The following TBC1D1 variants were observed in gnomAD, a reference collection of about 807,000 sequenced individuals.
The protein encoded by TBC1D1 is TBC1 domain family member 1.
Under a neutral mutation model 125.6 loss-of-function variants are expected in TBC1D1, and 89 were observed. The ratio of observed to expected loss-of-function variants is 0.71; its 90% CI spans 0.60 to 0.85. The LOEUF is 0.85. Among genes scored for constraint, TBC1D1 ranks in the 40% least tolerant of loss-of-function variants. The pLI, the probability that TBC1D1 is intolerant of heterozygous loss-of-function variation, is 0.00. For synonymous variants in TBC1D1, 565 were observed against 564.1 expected, an observed-to-expected ratio of 1.00 and a Z score of -0.02; for missense variants, 1,377 against 1,469.2, an observed-to-expected ratio of 0.94 and a Z score of 1.03.
intron 18 of TBC1D1, among the ~76,000 whole-genome samples, chr4:38,129,948 C>T (rs928704629): frequency 2.0e-5 from 3 of 152,100 alleles, no homozygotes; most frequent in African/African-American, 4.8e-5. Flanking sequence ...GACAATTTGG[C>T]GAAACATATC....
intron 8 of TBC1D1, among the ~76,000 whole-genome samples, chr4:38,042,851 A>G (rs141874924): frequency 1.3e-5 from 2 of 152,352 alleles, no homozygotes; most frequent in Non-Finnish European, 2.9e-5. Flanking sequence ...TGTGCTTGAA[A>G]TAACTGCAAC....
rs1361844202 is a variant in TBC1D1 at position 38,137,223 on chromosome 4, T to A, written c.3395T>A (p.Leu1132Ter). Residue 1132 changes from leucine (L) to a stop codon, truncating the protein, a stop_gained, in exon 20 of 20, where the codon TTA becomes TAA. Coordinates refer to ENST00000261439, the MANE Select transcript of TBC1D1 (RefSeq NM_015173.4). LOFTEE classifies it low-confidence loss of function (END_TRUNC). Reference sequence around the variant, plus strand: ...AAGCTGAAGCAGGCCATGCTTACCTTAGAACTGGAGCGGTCGGCCCTGCTG... The same window carrying A: ...AAGCTGAAGCAGGCCATGCTTACCTAAGAACTGGAGCGGTCGGCCCTGCTG... 1 of 1,612,726 alleles carries A rather than the reference T, an allele frequency of 6.2e-7. No homozygotes were observed. Among genetic ancestry groups the A allele is most frequent in the Non-Finnish European group, 8.5e-7 (1 of 1,180,022 alleles).
intron 15 of TBC1D1, 96 bp from the exon 18 acceptor site, chr4:38,115,614 A>G (rs1762856538): frequency 1.5e-6 from 2 of 1,341,712 alleles, no homozygotes; most frequent in African/African-American, 1.5e-5. Flanking sequence ...GCTTCTAAAG[A>G]TTTTGCTGCT....
chr4:38,052,759 CACACAG>C (rs60149486), intron 11 of TBC1D1, among the ~76,000 whole-genome samples: 3,365 of 107,854 alleles, frequency 0.031, 83 homozygotes, highest in East Asian at 0.082. Context: ...CACACACACA[CACACAG>C]GATAACATCT....
At chr4:38,040,383 G>C (rs1273624254) in intron 8 of TBC1D1, among the ~76,000 whole-genome samples, 1 of 152,184 alleles carries the variant, frequency 6.6e-6, no homozygotes, top group African/African-American at 2.4e-5. Flanking sequence ...CCGCCTCCCG[G>C]GTTCAAGCGA....
chr4:37,976,137 G>T (rs1273947980), intron 2 of TBC1D1, among the ~76,000 whole-genome samples: 2 of 152,168 alleles, frequency 1.3e-5, no homozygotes, highest in African/African-American at 2.4e-5. Flanking sequence ...TTGTGCTGGG[G>T]GATACAAACT....
intron 14 of TBC1D1, among the ~76,000 whole-genome samples, chr4:38,097,916 T>G (rs776428018): frequency 2.0e-4 from 30 of 152,248 alleles, no homozygotes; most frequent in Non-Finnish European, 2.9e-4. Flanking sequence ...TTGTTACGCA[T>G]TTTCCCTTTC....
At chr4:37,942,934 C>T (rs536888635) in intron 2 of TBC1D1, among the ~76,000 whole-genome samples, 33 of 152,230 alleles carry the variant, frequency 2.2e-4, no homozygotes, top group Non-Finnish European at 3.5e-4. Flanking sequence ...CTAGCATTGA[C>T]GGTCTTTACA....
At chr4:38,089,154 G>C (rs1758021426) in intron 12 of TBC1D1, among the ~76,000 whole-genome samples, 3 of 152,240 alleles carry the variant, frequency 2.0e-5, no homozygotes, top group South Asian at 4.1e-4. Context: ...ACATGAGTTA[G>C]AGTATGCCGG....
intron 15 of TBC1D1, among the ~76,000 whole-genome samples, chr4:38,105,651 C>G (rs988354914): frequency 2.0e-5 from 3 of 152,044 alleles, no homozygotes; most frequent in Non-Finnish European, 2.9e-5. Context: ...CCATGTGTAC[C>G]CAGTGTTCAG....
At chr4:37,919,600 A>G (rs143360093) in intron 2 of TBC1D1, among the ~76,000 whole-genome samples, 18 of 152,306 alleles carry the variant, frequency 1.2e-4, no homozygotes, top group African/African-American at 4.3e-4. Context: ...AGAGAAATAC[A>G]TATTTCTCAA....
intron 2 of TBC1D1, among the ~76,000 whole-genome samples, chr4:37,913,849 T>C (rs1414611077): frequency 6.6e-6 from 1 of 151,904 alleles, no homozygotes; most frequent in Non-Finnish European, 1.5e-5. Flanking sequence ...CTAAAATTGC[T>C]CTTATAATGT....
intron 2 of TBC1D1, among the ~76,000 whole-genome samples, chr4:37,907,647 G>T (rs1306412784): frequency 6.6e-6 from 1 of 152,142 alleles, no homozygotes; most frequent in African/African-American, 2.4e-5. Flanking sequence ...TGAGTCCATG[G>T]TAAGTAAACA....
rs529376325 is a variant in TBC1D1, at chr4:37,955,372, C to A, written c.417+52860C>A. On this transcript the variant is annotated intron_variant, in intron 2 of 19. Transcript: ENST00000261439. ...GGATGAGGGCATTGGTTTTACCACC[C>A]CTGTGGATACCAAAATCCATGGATG... is the stretch of plus-strand genomic sequence containing the variant. Among the ~76,000 whole-genome samples the A allele has an allele frequency of 3.3e-5, 5 of 152,196 alleles. No individual in the cohort carries two copies. In the South Asian group the frequency reaches 1.0e-3, roughly 32 times the overall value.
At chr4:38,006,474 A>ATTTTTTTTTTTTT in intron 2 of TBC1D1, among the ~76,000 whole-genome samples, 1 of 101,388 alleles carries the variant, frequency 9.9e-6, no homozygotes, top group Non-Finnish European at 1.9e-5. Flanking sequence ...GACCAACACT[A>ATTTTTTTTTTTTT]TTTTTTTTTT....
In TBC1D1 at chr4:38,044,431, A is replaced by T; in HGVS notation, c.1483A>T (p.Met495Leu). The T allele has an allele frequency of 3.1e-6, 5 of 1,613,880 alleles. No individual in the cohort carries two copies. Among genetic ancestry groups the T allele is most frequent in the Non-Finnish European group, 4.2e-6 (5 of 1,179,988 alleles). ...CAGTGCCACTCGATTTAGGCTAGAT[A>T]TGCTGAAAAACAAAGCAAAGAGATC... The change falls in exon 9 of 20, where the codon ATG becomes TTG. Residue 495 changes from methionine (M) to leucine (L), a missense_variant. Physicochemically the swap from Met to Leu is conservative, Grantham distance 15. Around this residue, in one of 3 missense-constraint regions of TBC1D1, gnomAD observed 822 missense variants for 824.6 expected, o/e 1.00. Coordinates refer to ENST00000261439, the MANE Select transcript of TBC1D1 (RefSeq NM_015173.4).
At chr4:37,899,892 G>A (rs1482898543) in intron 1 of TBC1D1, among the ~76,000 whole-genome samples, 1 of 151,960 alleles carries the variant, frequency 6.6e-6, no homozygotes, top group African/African-American at 2.4e-5. Context: ...AGGCCGAGGC[G>A]GGCGGAACAC....
intron 15 of TBC1D1, among the ~76,000 whole-genome samples, chr4:38,104,938 G>C (rs1364912039): frequency 6.6e-6 from 1 of 151,918 alleles, no homozygotes. Flanking sequence ...TGTATTTTTA[G>C]TAGAGACGGG....
At chr4:38,060,615 T>C in intron 12 of TBC1D1, 1 of 1,289,214 alleles carries the variant, frequency 7.8e-7, no homozygotes, top group Non-Finnish European at 1.0e-6. Flanking sequence ...TTCTCTCTTT[T>C]TCAGAACCTC....
Sources: gnomAD v4.1 joint callset for allele counts (sites outside exome capture counted in the v4.1 genomes callset) on GRCh38, gnomAD v4.1.1 for gene constraint, gnomAD v4.1.1 regional missense constraint, MANE v1.5 for transcripts, NCBI Gene and HGNC (gene_info 2026-07-23, HGNC 2026-07-21) for gene names.